Variants in UBR4 observed in about 807,000 individuals in gnomAD.
UBR4 encodes the protein ubiquitin protein ligase E3 component n-recognin 4, also known as E3 ubiquitin-protein ligase UBR4.
A neutral mutation model predicts 575.6 loss-of-function variants in UBR4; 124 were observed. That is an observed-to-expected ratio of 0.22 (90% CI 0.19 to 0.25). The LOEUF (loss-of-function observed/expected upper bound fraction) is 0.25. Ranked by LOEUF, UBR4 falls within the 10% of genes least tolerant of loss-of-function variation. The pLI is 1.00. For missense variants in UBR4, 4,818 were observed against 6,478.8 expected (o/e 0.74, Z 8.80); for synonymous variants, 2,455 against 2,473.7 (o/e 0.99, Z 0.22).
intron 56 of UBR4, 24 bp from the exon 57 acceptor site, chr1:19,141,548 T>C (rs1019810933): frequency 2.5e-6 from 4 of 1,597,644 alleles, no homozygotes; most frequent in African/African-American, 2.7e-5. Flanking sequence ...GCTCTGTCAG[T>C]GTCCCATGGT....
intron 39 of UBR4, among the ~76,000 whole-genome samples, chr1:19,159,092 G>A (rs2086883504): frequency 1.3e-5 from 2 of 152,186 alleles, no homozygotes; most frequent in Non-Finnish European, 2.9e-5. Context: ...GTCGCAGTAA[G>A]CTGAGATCAT....
chr1:19,081,245 A>T, intron 103 of UBR4, 104 bp downstream of exon 103: 1 of 984,316 alleles, frequency 1.0e-6, no homozygotes, highest in East Asian at 2.4e-5. Flanking sequence ...CAACCACCGC[A>T]GTCACAAAGC....
Position 19,157,992 on chromosome 1 carries a change from G to A in UBR4, c.5583C>T (p.Pro1861=). Residue 1861 remains proline (P), a synonymous_variant, in exon 40 of 106, where the codon CCC becomes CCT. Coordinates refer to ENST00000375254, the MANE Select transcript of UBR4 (RefSeq NM_020765.3). The surrounding 1 kb of genome is among the most constrained non-coding windows in gnomAD (Gnocchi z 4.4). ...AVEMTDQLMV[P]TLGSQEGAFE... ...AGGCACCTTCCTGGGACCCTAAGGT[G>A]GGAACCTGGCAAAGAAGGAAGCAGA... 6.2e-7 allele frequency: 1 copy of A among 1,607,954 alleles called. No homozygotes were observed. The highest frequency in any genetic ancestry group is 8.5e-7 in the Non-Finnish European group (1 of 1,175,014).
intron 100 of UBR4, 29 bp downstream of exon 100, chr1:19,086,649 AG>A: frequency 1.9e-6 from 3 of 1,610,904 alleles, no homozygotes; most frequent in Non-Finnish European, 2.5e-6. Context: ...GGCCTACTGA[AG>A]GAGCCATTCC....
intron 105 of UBR4, among the ~76,000 whole-genome samples, chr1:19,075,672 A>C (rs748964867): frequency 6.6e-6 from 1 of 152,256 alleles, no homozygotes; most frequent in Non-Finnish European, 1.5e-5. Flanking sequence ...TGCAAGGGGC[A>C]GCCAATGCGG....
rs145425858 is a variant in UBR4, at chr1:19,192,219, C to T, written c.1363G>A (p.Val455Met). The change falls in exon 11 of 106, where the codon GTG becomes ATG. Residue 455 changes from valine (V) to methionine (M), a missense_variant. This residue lies in a region of UBR4 where 162 missense variants were observed against 216.4 expected (regional missense o/e 0.75). Coordinates refer to ENST00000375254, the MANE Select transcript of UBR4 (RefSeq NM_020765.3). ...CCAGGCCCCAGTTTAGGGGAGCCCA[C>T]TCCCTCTTTAGTACGAGAAAGGATG... The part of the protein sequence containing the change: ...RDILSRTKEG[V>M]GSPKLGPGKG... 6.2e-7 allele frequency: 1 copy of T among 1,614,070 alleles called. No homozygotes were observed. The highest frequency in any genetic ancestry group is 8.5e-7 in the Non-Finnish European group (1 of 1,180,032).
Position 19,143,267 on chromosome 1 carries a change from A to G in UBR4, c.8179+713T>C, listed in dbSNP as rs201895831. On this transcript the variant is annotated intron_variant, in intron 55 of 105. Coordinates refer to ENST00000375254, the MANE Select transcript of UBR4 (RefSeq NM_020765.3). ...GGAAGGAAGGAAGGAAGGAAGAAAG[A>G]AAGAAAGAAAGAAAGAAAGAAAGAA... is the stretch of plus-strand genomic sequence containing the variant. 6.8e-3 allele frequency among the ~76,000 whole-genome samples: 335 copies of G among 48,926 alleles called. 1 individual carries two copies. The highest frequency in any genetic ancestry group is 0.016 in the African/African-American group (224 of 13,732). 32.1% of individuals were successfully genotyped at this position (48,926 alleles called of 152,430 possible).
At position 19,104,135 on chromosome 1, in the gene UBR4, T is replaced by C; in HGVS notation, c.12850A>G (p.Ile4284Val). The C allele has an allele frequency of 6.2e-7, 1 of 1,614,214 alleles. No individual in the cohort carries two copies. The highest frequency in any genetic ancestry group is 8.5e-7 in the Non-Finnish European group (1 of 1,180,044). ...RKLVVQRTKLIDETQDMLLEM... is the reference protein window; with the variant it reads ...RKLVVQRTKLVDETQDMLLEM... ...AGCAGCATGTCCTGCGTCTCATCGA[T>C]CAGCTTGGTCCTCTGCACCACCAGC... is the stretch of plus-strand genomic sequence containing the variant. The change falls in exon 87 of 106, where the codon ATC becomes GTC. Residue 4284 changes from isoleucine (I) to valine (V), a missense_variant. Ile to Val is a conservative substitution (Grantham distance 29). Transcript: ENST00000375254.
intron 102 of UBR4, chr1:19,081,873 G>A (rs2076550970): frequency 4.7e-6 from 3 of 632,162 alleles, no homozygotes; most frequent in East Asian, 2.7e-5. Context: ...CCATATATCA[G>A]GGACGTTCAC....
In UBR4 at chr1:19,095,705, T is replaced by C. The variant is rs1391795381; in HGVS notation, c.13519-53A>G. On this transcript the variant is annotated intron_variant, in intron 92 of 105. Transcript: ENST00000375254. ...TGAGGCCACATGAGAGTGTAGGACA[T>C]GGGGGCCAGTAGGAAAGGGATGTCT... 3.9e-6 allele frequency: 6 copies of C among 1,548,648 alleles called. No individual in the cohort carries two copies. The East Asian group carries it at 9.0e-5, about 23-fold the overall frequency.
intron 104 of UBR4, 49 bp from the exon 105 acceptor site, chr1:19,076,951 T>C: frequency 6.6e-7 from 1 of 1,516,196 alleles, no homozygotes; most frequent in East Asian, 2.3e-5. Context: ...TACTGCTGCC[T>C]CATCTTCCGC....
Position 19,076,838 on chromosome 1 carries a change from T to C in UBR4, c.15389A>G (p.Asn5130Ser). The C allele has an allele frequency of 1.9e-6, 3 of 1,612,900 alleles. No homozygotes were observed. The highest frequency in any genetic ancestry group is 2.5e-6 in the Non-Finnish European group (3 of 1,179,504). Residue 5130 changes from asparagine to serine, a missense_variant, in exon 105 of 106, where the codon AAC becomes AGC. By Grantham distance (46) the Asn-to-Ser change is conservative. Coordinates refer to ENST00000375254, the MANE Select transcript of UBR4 (RefSeq NM_020765.3). ...GGCAGCTTCGTAGATGGGCATGTCG[T>C]TGTGGCGGATGTACTCAGCGAGAGA... ...SCSLAEYIRH[N>S]DMPIYEAADK...
At position 19,108,280 on chromosome 1, in the gene UBR4, C is replaced by G. The variant is rs931765402; in HGVS notation, c.12106-1314G>C. ...ACATGCATTGGTCATTTAGAAAACA[C>G]TGGTTTACACAGTTATGTCAGTTCT... On this transcript the variant is annotated intron_variant, in intron 81 of 105. Coordinates refer to ENST00000375254, the MANE Select transcript of UBR4 (RefSeq NM_020765.3). Among the ~76,000 whole-genome samples, 4 of 152,322 alleles carry G rather than the reference C, an allele frequency of 2.6e-5. No homozygotes were observed. The South Asian group carries it at 8.3e-4, about 32-fold the overall frequency.
rs200835570 is a variant in UBR4, at chr1:19,100,484, C to T, written c.13113G>A (p.Pro4371=). 58 of 1,614,018 alleles carry T rather than the reference C, an allele frequency of 3.6e-5. No individual in the cohort carries two copies. The highest frequency in any genetic ancestry group is 6.6e-5 in the South Asian group (6 of 91,092). ...DFLQGRMPGN[P]YSSNEPGIGP... The stretch of plus-strand genomic sequence containing the variant: ...CGATGCCTGGCTCATTGCTGCTATA[C>T]GGGTTCCCAGGCATCCTGCCCTGTA... The change falls in exon 89 of 106, where the codon CCG becomes CCA. Residue 4371 remains proline (P), a synonymous_variant. Transcript: ENST00000375254. The surrounding 1 kb of genome is among the most constrained non-coding windows in gnomAD (Gnocchi z 4.2).
At chr1:19,179,734 C>T (rs908132704) in intron 17 of UBR4, among the ~76,000 whole-genome samples, 2 of 152,150 alleles carry the variant, frequency 1.3e-5, no homozygotes, top group Admixed American at 6.5e-5. Flanking sequence ...TCTTCACCTC[C>T]AGGTGGAGCA....
rs139749163 is a variant in UBR4, at chr1:19,163,783, G to T, written c.4745C>A (p.Ala1582Asp). 1.2e-5 allele frequency: 19 copies of T among 1,613,862 alleles called. No individual in the cohort carries two copies. Among genetic ancestry groups the T allele is most frequent in the Non-Finnish European group, 1.5e-5 (18 of 1,180,000 alleles). The change falls in exon 34 of 106, where the codon GCC becomes GAC. Residue 1582 changes from alanine (A) to aspartate (D), a missense_variant. By Grantham distance (126) the Ala-to-Asp change is moderately radical (BLOSUM62 -2). Around this residue, in one of 29 missense-constraint regions of UBR4, gnomAD observed 1,172 missense variants for 1,259.7 expected, o/e 0.93. Coordinates refer to ENST00000375254, the MANE Select transcript of UBR4 (RefSeq NM_020765.3). ...TCTTACCTTTCCATGCATTACATTG[G>T]CATTCAGTTTTTCAACTACATTCTT... The part of the protein sequence containing the change: ...SQKNVVEKLN[A>D]NVMHGKHVMI...
intron 43 of UBR4, 113 bp from the exon 44 acceptor site, chr1:19,155,188 A>T (rs1451270722): frequency 7.1e-6 from 10 of 1,417,184 alleles, no homozygotes; most frequent in Non-Finnish European, 9.7e-6. Context: ...TACTCTAAGC[A>T]TGAGATCCCT....
chr1:19,153,955 C>A lies in UBR4; in HGVS notation c.6459-16G>T. 1.2e-6 allele frequency: 2 copies of A among 1,611,044 alleles called. No homozygotes were observed. Among genetic ancestry groups the A allele is most frequent in the Non-Finnish European group, 1.7e-6 (2 of 1,178,734 alleles). ...ACCATTGGAACTGCAGACAACAAAA[C>A]TGGCCACAGTTAGAGTGTCAGTCAC... On this transcript the variant is annotated splice_polypyrimidine_tract_variant and intron_variant, in intron 44 of 105. Transcript: ENST00000375254. This position sits in a 1 kb window ranked among gnomAD's most constrained non-coding sequence, Gnocchi z 4.1.
intron 103 of UBR4, chr1:19,080,462 A>G (rs1041843300): frequency 6.6e-6 from 1 of 152,238 alleles, no homozygotes; most frequent in African/African-American, 2.4e-5. Flanking sequence ...TGTCTTTATC[A>G]CGGCCCTAAA....
Sources: gnomAD v4.1 joint callset for allele counts (sites outside exome capture counted in the v4.1 genomes callset) on GRCh38, gnomAD v4.1.1 for gene constraint, gnomAD v4.1.1 regional missense constraint, Gnocchi (gnomAD v3.1) non-coding constraint, MANE v1.5 for transcripts, NCBI Gene and HGNC (gene_info 2026-07-23, HGNC 2026-07-21) for gene names.